Variants in PRKCB observed in about 807,000 individuals in gnomAD.
PRKCB encodes protein kinase C beta type.
In PRKCB, 13 loss-of-function variants were observed where a neutral mutation model predicts 81.5. The ratio of observed to expected loss-of-function variants is 0.16; its 90% confidence interval spans 0.10 to 0.25. The LOEUF (loss-of-function observed/expected upper bound fraction) is 0.25. Ranked by LOEUF, PRKCB falls within the 10% of genes least tolerant of loss-of-function variation. The pLI, the probability that PRKCB is intolerant of heterozygous loss-of-function variation, is 1.00. For synonymous variants in PRKCB, 335 were observed against 321.4 expected (o/e 1.04, Z -0.45); for missense variants, 509 against 875.7 (o/e 0.58, Z 5.29).
chr16:24,132,251 A>G (rs1047905426), intron 9 of PRKCB, among the ~76,000 whole-genome samples: 1 of 152,202 alleles, frequency 6.6e-6, no homozygotes, highest in Non-Finnish European at 1.5e-5. Context: ...AGATCTGAGC[A>G]TGAGGCATCC....
intron 15 of PRKCB, among the ~76,000 whole-genome samples, chr16:24,187,353 T>C (rs2141977177): frequency 6.6e-6 from 1 of 152,324 alleles, no homozygotes; most frequent in South Asian, 2.1e-4. Context: ...CCGCAGGACC[T>C]TGGGGAAGTT....
intron 10 of PRKCB, among the ~76,000 whole-genome samples, chr16:24,157,710 T>G (rs1325060266): frequency 6.7e-6 from 1 of 149,534 alleles, no homozygotes; most frequent in South Asian, 2.1e-4. Context: ...TCCATGCTAG[T>G]CATGAGAGTG....
intron 2 of PRKCB, among the ~76,000 whole-genome samples, chr16:23,850,673 C>G (rs1489406834): frequency 6.6e-6 from 1 of 152,132 alleles, no homozygotes; most frequent in Admixed American, 6.5e-5. Flanking sequence ...TGGTAGTTCA[C>G]TTTTTTGTTT....
chr16:23,898,584 G>A (rs1166633841), intron 2 of PRKCB, among the ~76,000 whole-genome samples: 6 of 152,018 alleles, frequency 3.9e-5, no homozygotes, highest in African/African-American at 7.3e-5. Flanking sequence ...TAAGGCTATC[G>A]GTCTCATTTT....
intron 15 of PRKCB, among the ~76,000 whole-genome samples, chr16:24,189,484 A>G (rs1967755116): frequency 6.6e-6 from 1 of 151,946 alleles, no homozygotes; most frequent in South Asian, 2.1e-4. Context: ...TAAAAATACA[A>G]GAAAATTATT....
At chr16:24,177,597 G>A (rs554408462) in intron 12 of PRKCB, among the ~76,000 whole-genome samples, 2 of 152,252 alleles carry the variant, frequency 1.3e-5, no homozygotes, top group South Asian at 2.1e-4. Context: ...AGAAACTAGC[G>A]GCCAAGGAAG....
In PRKCB at chr16:24,216,184, G is replaced by A. The variant is rs959899381; in HGVS notation, c.*1368G>A. The A allele has an allele frequency of 2.2e-5, 22 of 985,346 alleles. No homozygotes were observed. Among genetic ancestry groups the A allele is most frequent in the Non-Finnish European group, 2.5e-5 (21 of 830,008 alleles). The allele number at this position is 985,346 out of a possible 1,614,324, so 61.0% of individuals were successfully genotyped here. A position where few individuals can be genotyped will look rare whatever the true frequency, so the allele number is the denominator to read the frequency against. On this transcript the variant is annotated 3_prime_UTR_variant, in exon 17 of 17. Coordinates refer to ENST00000643927, the MANE Select transcript of PRKCB (RefSeq NM_002738.7). ...GCTGTGGCCCATTCAGGGGCTGCTG[G>A]TGGGCTGTAGTGGGGTGGGATGACC... is the stretch of plus-strand genomic sequence containing the variant.
chr16:24,016,737 C>T (rs1481827152), intron 3 of PRKCB, among the ~76,000 whole-genome samples: 2 of 152,102 alleles, frequency 1.3e-5, no homozygotes, highest in Admixed American at 6.5e-5. Context: ...TGAATTCCAC[C>T]CCTAGCTCCC....
chr16:24,153,105 C>G (rs1442935557), intron 9 of PRKCB, among the ~76,000 whole-genome samples: 3 of 152,154 alleles, frequency 2.0e-5, no homozygotes, highest in Non-Finnish European at 4.4e-5. Flanking sequence ...CCTTTTGCTG[C>G]TGGGATAAGA....
intron 10 of PRKCB, among the ~76,000 whole-genome samples, chr16:24,156,527 G>A (rs762493894): frequency 6.6e-6 from 1 of 152,020 alleles, no homozygotes; most frequent in Admixed American, 6.6e-5. Flanking sequence ...CACCTGCTTC[G>A]GCCTCCCAAG....
At chr16:24,113,469 C>A (rs1250142913) in intron 8 of PRKCB, among the ~76,000 whole-genome samples, 1 of 149,468 alleles carries the variant, frequency 6.7e-6, no homozygotes, top group African/African-American at 2.5e-5. Flanking sequence ...CTCTCTCCTT[C>A]CTTCTTCCTT....
intron 5 of PRKCB, among the ~76,000 whole-genome samples, chr16:24,088,863 A>T (rs1235076758): frequency 1.3e-5 from 2 of 152,128 alleles, no homozygotes; most frequent in African/African-American, 2.4e-5. Context: ...TCCAGTGACT[A>T]CCCTTGTGGT....
intron 9 of PRKCB, among the ~76,000 whole-genome samples, chr16:24,141,408 C>G (rs1966900169): frequency 6.6e-6 from 1 of 152,108 alleles, no homozygotes; most frequent in Non-Finnish European, 1.5e-5. Flanking sequence ...GTTGACAAGG[C>G]TGGTCTCGAA....
At chr16:24,112,618 C>G (rs1434083455) in intron 7 of PRKCB, among the ~76,000 whole-genome samples, 1 of 152,110 alleles carries the variant, frequency 6.6e-6, no homozygotes, top group Non-Finnish European at 1.5e-5. Context: ...GAATAAGAAA[C>G]TACTTAATGG....
At chr16:23,952,059 T>C (rs1188300939) in intron 2 of PRKCB, among the ~76,000 whole-genome samples, 1 of 152,182 alleles carries the variant, frequency 6.6e-6, no homozygotes, top group Non-Finnish European at 1.5e-5. Context: ...CACAGAGTTT[T>C]GTGCCTGAAT....
At chr16:24,175,150 G>A (rs1967507880) in intron 12 of PRKCB, among the ~76,000 whole-genome samples, 1 of 152,018 alleles carries the variant, frequency 6.6e-6, no homozygotes, top group Non-Finnish European at 1.5e-5. Context: ...TGCACCCGAG[G>A]CTGCTATTTG....
At chr16:24,149,772 T>G (rs888425451) in intron 9 of PRKCB, among the ~76,000 whole-genome samples, 1 of 152,234 alleles carries the variant, frequency 6.6e-6, no homozygotes, top group African/African-American at 2.4e-5. Context: ...CTTGGCTTCA[T>G]GTATTTTAAT....
intron 16 of PRKCB, among the ~76,000 whole-genome samples, chr16:24,194,355 AAAC>A (rs1447916406): frequency 6.6e-6 from 1 of 151,464 alleles, no homozygotes; most frequent in African/African-American, 2.4e-5. Flanking sequence ...AAAAAACAAA[AAAC>A]AACAAAAAAA....
chr16:24,019,253 A>G (rs1445028890), intron 3 of PRKCB, among the ~76,000 whole-genome samples: 4 of 150,814 alleles, frequency 2.7e-5, no homozygotes, highest in African/African-American at 9.8e-5. Flanking sequence ...CTCAGGCAGG[A>G]GGATCACTTG....
Sources: allele counts gnomAD v4.1 joint callset (sites outside exome capture counted in the v4.1 genomes callset), GRCh38; gene constraint gnomAD v4.1.1; transcripts MANE v1.5; gene names NCBI Gene and HGNC (gene_info 2026-07-23, HGNC 2026-07-21).